Variants in GLCCI1 observed in about 807,000 individuals in gnomAD.
GLCCI1 encodes glucocorticoid induced 1.
GLCCI1 carries 24 observed loss-of-function variants against 52.2 expected under a neutral mutation model. The ratio of observed to expected loss-of-function variants is 0.46; its 90% CI spans 0.33 to 0.65. GLCCI1 has a LOEUF of 0.65. GLCCI1 is among the 30% of genes least tolerant of loss of function. GLCCI1 has a pLI of 0.02. For synonymous variants in GLCCI1, 310 were observed against 276.5 expected (o/e 1.12, Z -1.20); for missense variants, 704 against 701.5 (o/e 1.00, Z -0.04).
intron 1 of GLCCI1, among the ~76,000 whole-genome samples, chr7:7,973,937 A>T (rs952231372): frequency 6.6e-5 from 10 of 152,098 alleles, no homozygotes; most frequent in Non-Finnish European, 1.3e-4. Context: ...AGATACTCAG[A>T]TATTCTCTTT....
chr7:7,972,511 GC>G (rs1780373762), intron 1 of GLCCI1, among the ~76,000 whole-genome samples: 1 of 152,200 alleles, frequency 6.6e-6, no homozygotes, highest in African/African-American at 2.4e-5. Context: ...AGTGTTTCAT[GC>G]ATTTCATCTG....
intron 1 of GLCCI1, among the ~76,000 whole-genome samples, chr7:8,002,315 C>G (rs73049300): frequency 0.037 from 5,596 of 152,100 alleles, 143 homozygotes; most frequent in Non-Finnish European, 0.057. Flanking sequence ...ACTATATATT[C>G]TGAAAACAAA....
chr7:8,061,452 GCCC>G (rs1782512104), intron 5 of GLCCI1, among the ~76,000 whole-genome samples: 1 of 151,876 alleles, frequency 6.6e-6, no homozygotes, highest in South Asian at 2.1e-4. Flanking sequence ...TAGATCTTTT[GCCC>G]CATTTTAAAA....
At chr7:8,018,568 T>C (rs1562430069) in intron 2 of GLCCI1, among the ~76,000 whole-genome samples, 1 of 152,130 alleles carries the variant, frequency 6.6e-6, no homozygotes, top group Non-Finnish European at 1.5e-5. Flanking sequence ...CTCACACAGG[T>C]TGGAGCTGGG....
At chr7:8,079,457 C>T (rs1319112794) in intron 6 of GLCCI1, among the ~76,000 whole-genome samples, 3 of 151,460 alleles carry the variant, frequency 2.0e-5, no homozygotes, top group Non-Finnish European at 4.4e-5. Flanking sequence ...GATTTACAAT[C>T]ATTATTTTAG....
chr7:8,063,696 G>A (rs1053594038), intron 5 of GLCCI1, among the ~76,000 whole-genome samples: 1 of 134,898 alleles, frequency 7.4e-6, no homozygotes, highest in African/African-American at 2.8e-5. Flanking sequence ...ATGGCTTACT[G>A]TGGCCTCAAT....
At chr7:8,051,165 A>G (rs1782250311) in intron 3 of GLCCI1, among the ~76,000 whole-genome samples, 1 of 152,242 alleles carries the variant, frequency 6.6e-6, no homozygotes, top group Admixed American at 6.5e-5. Flanking sequence ...GCATTTGGCA[A>G]AGCATAAATT....
chr7:8,041,627 C>T (rs1044535898), intron 3 of GLCCI1, among the ~76,000 whole-genome samples: 20 of 152,140 alleles, frequency 1.3e-4, no homozygotes, highest in African/African-American at 4.8e-4. Context: ...CAAGGTCTTG[C>T]TCTGTCACCC....
At position 8,012,530 on chromosome 7, in the gene GLCCI1, C is replaced by T. The variant is rs189261100; in HGVS notation, c.609+8471C>T. 3.4e-3 allele frequency among the ~76,000 whole-genome samples: 477 copies of T among 139,130 alleles called. 7 individuals carry two copies. Among genetic ancestry groups the T allele is most frequent in the Non-Finnish European group, 6.6e-4 (43 of 65,550 alleles). 91.3% of individuals were successfully genotyped at this position (139,130 alleles called of 152,430 possible). On this transcript the variant is annotated intron_variant, in intron 2 of 7. Transcript: ENST00000223145. The stretch of plus-strand genomic sequence containing the variant: ...TGTGATCTCGGCTCACTGCAAGCTC[C>T]ACCTCCTGGGTTCATGCCATTCTCC...
At chr7:8,021,798 T>G (rs1212854733) in intron 2 of GLCCI1, among the ~76,000 whole-genome samples, 3 of 152,242 alleles carry the variant, frequency 2.0e-5, no homozygotes, top group South Asian at 2.1e-4. Flanking sequence ...GAGGATAGTA[T>G]CTATTAATGG....
intron 5 of GLCCI1, among the ~76,000 whole-genome samples, chr7:8,066,994 C>A (rs1324634093): frequency 6.6e-6 from 1 of 152,138 alleles, no homozygotes; most frequent in Non-Finnish European, 1.5e-5. Context: ...TGAAGTCTCC[C>A]ACTATTATTT....
chr7:8,023,585 A>ATTTTTTTTTTTTTTT (rs1268659559), intron 3 of GLCCI1, among the ~76,000 whole-genome samples: 6 of 39,778 alleles, frequency 1.5e-4, no homozygotes, highest in South Asian at 6.8e-4. Context: ...AATCTCTGTT[A>ATTTTTTTTTTTTTTT]TTCTTTTTTT....
chr7:8,054,155 TA>T (rs1782331898), intron 3 of GLCCI1, among the ~76,000 whole-genome samples: 1 of 152,170 alleles, frequency 6.6e-6, no homozygotes. Context: ...CTGTCCTGAT[TA>T]AATGAATTGT....
At chr7:7,995,510 A>G (rs1780921419) in intron 1 of GLCCI1, among the ~76,000 whole-genome samples, 1 of 152,206 alleles carries the variant, frequency 6.6e-6, no homozygotes, top group Admixed American at 6.5e-5. Flanking sequence ...CCAAATGTCC[A>G]TCAATGATAG....
intron 5 of GLCCI1, among the ~76,000 whole-genome samples, chr7:8,060,825 T>A (rs1782498314): frequency 6.6e-6 from 1 of 152,222 alleles, no homozygotes; most frequent in Non-Finnish European, 1.5e-5. Flanking sequence ...TGCATTTCTC[T>A]TGGGTATATA....
intron 3 of GLCCI1, among the ~76,000 whole-genome samples, chr7:8,050,680 T>G (rs942539063): frequency 1.3e-5 from 2 of 152,194 alleles, no homozygotes; most frequent in Non-Finnish European, 2.9e-5. Context: ...CCATTCCCAT[T>G]TGTCTGTAAT....
At chr7:7,985,296 A>G (rs1034741091) in intron 1 of GLCCI1, among the ~76,000 whole-genome samples, 1 of 152,102 alleles carries the variant, frequency 6.6e-6, no homozygotes, top group Non-Finnish European at 1.5e-5. Context: ...GAGTAATAGC[A>G]TGCGCACCCT....
At chr7:8,050,897 A>G (rs929456112) in intron 3 of GLCCI1, among the ~76,000 whole-genome samples, 1 of 152,174 alleles carries the variant, frequency 6.6e-6, no homozygotes, top group Non-Finnish European at 1.5e-5. Flanking sequence ...TACCTATCTC[A>G]TGTGCTTTTG....
chr7:8,005,835 G>C lies in GLCCI1; in HGVS notation c.609+1776G>C, dbSNP rs934877556. Among the ~76,000 whole-genome samples, 5 of 151,630 alleles carry C rather than the reference G, an allele frequency of 3.3e-5. No individual in the cohort carries two copies. In the South Asian group the frequency reaches 8.3e-4, roughly 25 times the overall value. On this transcript the variant is annotated intron_variant, in intron 2 of 7. Transcript: ENST00000223145. Reference sequence around the variant, plus strand: ...TTTTTGAGACAGGAGTTTCTGTCTTGTTGCCCAGGCTGGAGTGCAATGGTG... The same window carrying C: ...TTTTTGAGACAGGAGTTTCTGTCTTCTTGCCCAGGCTGGAGTGCAATGGTG...
Sources: allele counts gnomAD v4.1 joint callset (sites outside exome capture counted in the v4.1 genomes callset), GRCh38; gene constraint gnomAD v4.1.1; transcripts MANE v1.5; gene names NCBI Gene and HGNC (gene_info 2026-07-23, HGNC 2026-07-21).